The following HMCN1 variants were observed in gnomAD, a reference collection of about 807,000 sequenced individuals.
The protein encoded by HMCN1 is hemicentin-1.
In HMCN1, 321 loss-of-function variants were observed where a neutral mutation model predicts 625.9. The observed-to-expected ratio is 0.51, with a 90% confidence interval of 0.47 to 0.56. The LOEUF (loss-of-function observed/expected upper bound fraction) is 0.56. Among genes scored for constraint, HMCN1 ranks in the 20% least tolerant of loss-of-function variants. The probability of loss-of-function intolerance (pLI) is 0.00; values close to 1 mark genes in which losing one functional copy is unlikely to be tolerated. For synonymous variants in HMCN1, 2,425 were observed against 2,417.6 expected (o/e 1.00, Z -0.09); for missense variants, 6,588 against 6,887.3 (o/e 0.96, Z 1.54).
intron 54 of HMCN1, among the ~76,000 whole-genome samples, chr1:186,077,133 T>C (rs891351019): frequency 6.6e-6 from 1 of 152,172 alleles, no homozygotes; most frequent in Admixed American, 6.6e-5. Flanking sequence ...CATTCAGATA[T>C]ACAGGGCTTA....
chr1:186,145,058 T>C (rs545846114), intron 91 of HMCN1, among the ~76,000 whole-genome samples: 2 of 152,356 alleles, frequency 1.3e-5, no homozygotes, highest in South Asian at 2.1e-4. Flanking sequence ...TTGCAGCAAC[T>C]TGATATCTGG....
Position 186,189,780 on chromosome 1 carries a change from C to A in HMCN1, c.16810C>A (p.Arg5604Ser). The A allele has an allele frequency of 6.2e-7, 1 of 1,613,612 alleles. No individual in the cohort carries two copies. The change falls in exon 107 of 107, where the codon CGC (arginine) becomes AGC (serine). Residue 5604 changes from arginine to serine, a missense_variant. Coordinates refer to ENST00000271588, the MANE Select transcript of HMCN1 (RefSeq NM_031935.3). ...TRPLREAETY[R>S]MRVRASSYSA... The stretch of plus-strand genomic sequence containing the variant: ...ACCACTACGAGAAGCAGAGACCTAC[C>A]GCATGAGGGTCCGAGCCTCATCCTA...
rs1450174964 is a variant in HMCN1 at position 186,130,071 on chromosome 1, T to C, written c.13010T>C (p.Val4337Ala). The C allele has an allele frequency of 1.9e-5, 30 of 1,613,272 alleles. No individual in the cohort carries two copies. The highest frequency in any genetic ancestry group is 2.2e-5 in the Non-Finnish European group (26 of 1,179,392). ...ACCGCAGAGAACAGCGTTGGCTTTG[T>C]GAAGGCAATTGGATTTGTTTATGTG... ...VCTAENSVGFVKAIGFVYVKE... is the reference protein window; with the variant it reads ...VCTAENSVGFAKAIGFVYVKE... The change falls in exon 84 of 107, where the codon GTG becomes GCG. Residue 4337 changes from valine (V) to alanine (A), a missense_variant. Physicochemically the swap from Val to Ala is moderately conservative, Grantham distance 64. Transcript: ENST00000271588.
In HMCN1 at chr1:186,103,525, A is replaced by G; in HGVS notation, c.10627A>G (p.Asn3543Asp). 1 of 1,613,806 alleles carries G rather than the reference A, an allele frequency of 6.2e-7. No individual in the cohort carries two copies. The highest frequency in any genetic ancestry group is 8.5e-7 in the Non-Finnish European group (1 of 1,179,750). ...ACATGAAGAGATATCAGTAATTGTT[A>G]ATAACCCACTTGAACTTACCTGCAT... is the stretch of plus-strand genomic sequence containing the variant. Reference protein sequence around the residue: ...EEHEEISVIVNNPLELTCIAS... With the variant: ...EEHEEISVIVDNPLELTCIAS... Residue 3543 changes from asparagine to aspartate, a missense_variant, in exon 69 of 107, where the codon AAT becomes GAT. Transcript: ENST00000271588.
chr1:186,048,783 G>A lies in HMCN1; in HGVS notation c.6521G>A (p.Cys2174Tyr). ...GTTCAAGACACTGGTCGTTACACTT[G>A]TGAAGCAACAAATGTTGCTGGAAAA... ...AQVQDTGRYT[C>Y]EATNVAGKTE... Residue 2174 changes from cysteine (C) to tyrosine (Y), a missense_variant, in exon 42 of 107, where the codon TGT becomes TAT. Physicochemically the swap from Cys to Tyr is radical, Grantham distance 194. Around this residue, in one of 3 missense-constraint regions of HMCN1, gnomAD observed 4,628 missense variants for 4,853.1 expected, o/e 0.95. Transcript: ENST00000271588. 6.2e-7 allele frequency: 1 copy of A among 1,612,026 alleles called. No individual in the cohort carries two copies. The highest frequency in any genetic ancestry group is 8.5e-7 in the Non-Finnish European group (1 of 1,178,604).
At chr1:185,994,683 C>A in intron 23 of HMCN1, 132 bp from the exon 24 acceptor site, 2 of 861,640 alleles carry the variant, frequency 2.3e-6, no homozygotes, top group Non-Finnish European at 1.9e-6. Flanking sequence ...GTGAATGATC[C>A]GAGCCTAGGT....
At chr1:185,890,112 T>C (rs951746739) in intron 4 of HMCN1, among the ~76,000 whole-genome samples, 1 of 151,896 alleles carries the variant, frequency 6.6e-6, no homozygotes, top group Non-Finnish European at 1.5e-5. Context: ...GTGTTTGTAG[T>C]ATTCTCTGAT....
chr1:185,991,792 T>C (rs939846073), intron 22 of HMCN1, among the ~76,000 whole-genome samples: 1 of 152,162 alleles, frequency 6.6e-6, no homozygotes, highest in Non-Finnish European at 1.5e-5. Context: ...CTTTAGGACC[T>C]ATATACAGAG....
At chr1:185,835,020 T>C (rs1265100971) in intron 1 of HMCN1, among the ~76,000 whole-genome samples, 3 of 152,230 alleles carry the variant, frequency 2.0e-5, no homozygotes, top group Non-Finnish European at 4.4e-5. Context: ...TTGACGACAG[T>C]ATTATTTTCA....
rs765794058 is a variant in HMCN1 at position 186,088,244 on chromosome 1, C to A, written c.9545C>A (p.Thr3182Lys). The change falls in exon 62 of 107, where the codon ACG becomes AAG. Residue 3182 changes from threonine (T) to lysine (K), a missense_variant. This residue lies in a region of HMCN1 where 4,628 missense variants were observed against 4,853.1 expected (regional missense o/e 0.95). Transcript: ENST00000271588. ...GATGCCACTGGGATCCCACCTCCCA[C>A]GATAGCATGGTTAAAGAACCACAAG... ...TCDATGIPPP[T>K]IAWLKNHKRI... The A allele has an allele frequency of 6.2e-7, 1 of 1,612,842 alleles. No homozygotes were observed. The highest frequency in any genetic ancestry group is 1.7e-4 in the Middle Eastern group (1 of 6,054).
intron 1 of HMCN1, among the ~76,000 whole-genome samples, chr1:185,809,865 A>G (rs1033535425): frequency 6.6e-6 from 1 of 152,106 alleles, no homozygotes; most frequent in Non-Finnish European, 1.5e-5. Flanking sequence ...ACCTAGTGGA[A>G]ACTCCAAAAT....
rs138261491 is a variant in HMCN1, at chr1:186,093,074, T to C, written c.9888-60T>C. 4,698 of 1,607,198 alleles carry C rather than the reference T, an allele frequency of 2.9e-3. 121 individuals are homozygous for C. The South Asian group carries it at 0.038, about 13-fold the overall frequency. ...AGTAACTGATTTTAATAGGCTTTCA[T>C]GTACTTAGTGAAATAGATTCAATCT... On this transcript the variant is annotated intron_variant, in intron 64 of 106. Transcript: ENST00000271588.
intron 103 of HMCN1, 62 bp from the exon 104 acceptor site, chr1:186,178,354 G>T (rs1267645786): frequency 8.7e-7 from 1 of 1,155,634 alleles, no homozygotes; most frequent in African/African-American, 1.5e-5. Context: ...CTTTATTCCT[G>T]TGTTTTGTGT....
chr1:186,001,692 A>T lies in HMCN1; in HGVS notation c.4299A>T (p.Ala1433=), dbSNP rs766904192. Residue 1433 remains alanine (A), a synonymous_variant, in exon 28 of 107, where the codon GCA becomes GCT. Coordinates refer to ENST00000271588, the MANE Select transcript of HMCN1 (RefSeq NM_031935.3). ...ATGCAGGAAGATATTCCTGCAAAGC[A>T]ATTAATATTGCAGGCACTTCTCAGA... ...PEDAGRYSCK[A]INIAGTSQKY... is the part of the protein sequence containing the mutation. The T allele has an allele frequency of 6.2e-7, 1 of 1,612,408 alleles. No individual in the cohort carries two copies. The highest frequency in any genetic ancestry group is 2.2e-5 in the East Asian group (1 of 44,832).
intron 1 of HMCN1, among the ~76,000 whole-genome samples, chr1:185,739,799 G>A (rs1383307280): frequency 2.0e-5 from 3 of 152,082 alleles, no homozygotes. Context: ...ATGATAATTG[G>A]TATGGAGAAA....
chr1:186,095,817 GA>G (rs1310886665), intron 68 of HMCN1, among the ~76,000 whole-genome samples: 1 of 151,990 alleles, frequency 6.6e-6, no homozygotes, highest in Non-Finnish European at 1.5e-5. Flanking sequence ...GCCAAGAATT[GA>G]AAACACATCC....
intron 1 of HMCN1, among the ~76,000 whole-genome samples, chr1:185,820,208 G>C (rs547344959): frequency 1.5e-3 from 235 of 152,184 alleles, no homozygotes; most frequent in African/African-American, 5.5e-3. Context: ...TAATCTCTGA[G>C]GTTACTTTGT....
At chr1:186,048,957 T>C (rs1656766072) in intron 42 of HMCN1, 118 bp downstream of exon 42, 1 of 696,564 alleles carries the variant, frequency 1.4e-6, no homozygotes, top group Non-Finnish European at 2.6e-6. Flanking sequence ...CAACAATTAG[T>C]ACATTTACAT....
At chr1:186,035,354 G>A (rs527639790) in intron 36 of HMCN1, among the ~76,000 whole-genome samples, 1 of 152,248 alleles carries the variant, frequency 6.6e-6, no homozygotes, top group African/African-American at 2.4e-5. Flanking sequence ...ATCTACTTCT[G>A]AAAACAGACT....
Sources: gnomAD v4.1 joint callset for allele counts (sites outside exome capture counted in the v4.1 genomes callset) on GRCh38, gnomAD v4.1.1 for gene constraint, gnomAD v4.1.1 regional missense constraint, MANE v1.5 for transcripts, NCBI Gene and HGNC (gene_info 2026-07-23, HGNC 2026-07-21) for gene names.